Variants in SH3GL2 observed in about 807,000 individuals in gnomAD.
SH3GL2 encodes endophilin-A1.
SH3GL2 carries 24 observed loss-of-function variants against 46.0 expected under a neutral mutation model. The ratio of observed to expected loss-of-function variants is 0.52; its 90% confidence interval spans 0.38 to 0.73. The LOEUF is 0.73. Ranked by LOEUF, SH3GL2 falls within the 30% of genes least tolerant of loss-of-function variation. The pLI is 0.00. For synonymous variants in SH3GL2, 196 were observed against 147.1 expected (o/e 1.33, Z -2.40); for missense variants, 413 against 424.2 (o/e 0.97, Z 0.23).
At chr9:17,731,865 C>A (rs917382002) in intron 1 of SH3GL2, among the ~76,000 whole-genome samples, 7 of 152,138 alleles carry the variant, frequency 4.6e-5, no homozygotes. Flanking sequence ...CTATTTACCC[C>A]CTGGGCTTTT....
At position 17,717,688 on chromosome 9, in the gene SH3GL2, C is replaced by T. The variant is rs550189060; in HGVS notation, c.46-29378C>T. ...ATGATACAGCGCACAGATAAAATTG[C>T]TAACAGAAGTATGCCAGGCATGCTG... is the stretch of plus-strand genomic sequence containing the variant. On this transcript the variant is annotated intron_variant, in intron 1 of 8. Coordinates refer to ENST00000380607, the MANE Select transcript of SH3GL2 (RefSeq NM_003026.5). Among the ~76,000 whole-genome samples the T allele has an allele frequency of 2.0e-5, 3 of 152,132 alleles. No individual in the cohort carries two copies. In the South Asian group the frequency reaches 6.2e-4, roughly 32 times the overall value.
At chr9:17,759,605 A>G (rs1823110074) in intron 2 of SH3GL2, among the ~76,000 whole-genome samples, 1 of 152,156 alleles carries the variant, frequency 6.6e-6, no homozygotes, top group Non-Finnish European at 1.5e-5. Flanking sequence ...TTGAGTGTGT[A>G]AAGATATTTA....
intron 1 of SH3GL2, among the ~76,000 whole-genome samples, chr9:17,674,515 C>T (rs977110356): frequency 6.6e-6 from 1 of 152,152 alleles, no homozygotes; most frequent in African/African-American, 2.4e-5. Context: ...ATCTGCCCAC[C>T]TTGGCCTCCC....
chr9:17,580,190 TA>T (rs1484870656), intron 1 of SH3GL2, among the ~76,000 whole-genome samples: 2 of 152,258 alleles, frequency 1.3e-5, no homozygotes, highest in African/African-American at 4.8e-5. Flanking sequence ...ACTACTTTTT[TA>T]TCCTTCTGAA....
rs138518063 is a variant in SH3GL2, at chr9:17,737,766, G to C, written c.46-9300G>C. Among the ~76,000 whole-genome samples the C allele has an allele frequency of 4.4e-3, 665 of 152,146 alleles. 3 individuals carry two copies. Among genetic ancestry groups the C allele is most frequent in the Non-Finnish European group, 5.3e-3 (362 of 68,004 alleles). ...TGCTCAGGGTTCCTTCCTTGACTCA[G>C]CTGTACTCTGGAGATGCATGTTCTC... is the stretch of plus-strand genomic sequence containing the variant. On this transcript the variant is annotated intron_variant, in intron 1 of 8. Transcript: ENST00000380607.
At chr9:17,741,040 G>A (rs962196078) in intron 1 of SH3GL2, among the ~76,000 whole-genome samples, 4 of 151,924 alleles carry the variant, frequency 2.6e-5, no homozygotes, top group African/African-American at 4.8e-5. Context: ...AATTGTCAAC[G>A]GTATTCTTTG....
chr9:17,672,721 C>T (rs1192765707), intron 1 of SH3GL2, among the ~76,000 whole-genome samples: 2 of 152,096 alleles, frequency 1.3e-5, no homozygotes, highest in Non-Finnish European at 2.9e-5. Flanking sequence ...ATTCATCAGA[C>T]CGTGTAAATA....
chr9:17,645,584 C>T (rs867764568), intron 1 of SH3GL2, among the ~76,000 whole-genome samples: 13 of 152,252 alleles, frequency 8.5e-5, no homozygotes, highest in Middle Eastern at 3.4e-3. Flanking sequence ...CATAACCTCT[C>T]AGCATTTGCT....
chr9:17,713,657 T>C (rs7031818), intron 1 of SH3GL2, among the ~76,000 whole-genome samples: 38,873 of 151,236 alleles, frequency 0.26, 8,420 homozygotes, highest in African/African-American at 0.59. Flanking sequence ...TATTTAGAAG[T>C]GCATTATTAA....
chr9:17,636,914 A>G (rs887304460), intron 1 of SH3GL2, among the ~76,000 whole-genome samples: 5 of 152,214 alleles, frequency 3.3e-5, no homozygotes, highest in South Asian at 2.1e-4. Flanking sequence ...TGTGTTGGAT[A>G]CTAGCATAAA....
chr9:17,785,971 A>G (rs1234130638), intron 3 of SH3GL2, among the ~76,000 whole-genome samples: 2 of 152,200 alleles, frequency 1.3e-5, no homozygotes, highest in African/African-American at 4.8e-5. Flanking sequence ...GACTCCTAGA[A>G]TTGAACTATA....
At chr9:17,644,452 C>T (rs779333520) in intron 1 of SH3GL2, among the ~76,000 whole-genome samples, 2 of 152,126 alleles carry the variant, frequency 1.3e-5, no homozygotes, top group Non-Finnish European at 2.9e-5. Context: ...CCCTCTTTCT[C>T]CCGTGGGCAT....
At chr9:17,733,499 G>A (rs919259748) in intron 1 of SH3GL2, among the ~76,000 whole-genome samples, 2 of 151,358 alleles carry the variant, frequency 1.3e-5, no homozygotes, top group Non-Finnish European at 2.9e-5. Flanking sequence ...TGGAGAAATA[G>A]GAACACTTTT....
At chr9:17,772,318 A>T (rs1396408596) in intron 3 of SH3GL2, among the ~76,000 whole-genome samples, 1 of 152,140 alleles carries the variant, frequency 6.6e-6, no homozygotes, top group African/African-American at 2.4e-5. Flanking sequence ...TTTAGAATTA[A>T]TTTTTCTTAT....
At chr9:17,745,688 G>A (rs563688744) in intron 1 of SH3GL2, among the ~76,000 whole-genome samples, 2 of 152,042 alleles carry the variant, frequency 1.3e-5, no homozygotes, top group African/African-American at 4.8e-5. Context: ...CACAGCTCAG[G>A]TCCCCCAACA....
intron 3 of SH3GL2, among the ~76,000 whole-genome samples, chr9:17,766,948 A>T (rs1823335258): frequency 6.6e-6 from 1 of 152,230 alleles, no homozygotes; most frequent in Admixed American, 6.5e-5. Flanking sequence ...TTTTTAAAAA[A>T]AATTCTGAAA....
At chr9:17,601,136 T>G (rs912941290) in intron 1 of SH3GL2, among the ~76,000 whole-genome samples, 4 of 152,208 alleles carry the variant, frequency 2.6e-5, no homozygotes, top group African/African-American at 7.2e-5. Flanking sequence ...GCTCAACGTC[T>G]TCACCTAATA....
At chr9:17,594,525 T>G (rs1818537601) in intron 1 of SH3GL2, among the ~76,000 whole-genome samples, 1 of 152,094 alleles carries the variant, frequency 6.6e-6, no homozygotes, top group Admixed American at 6.5e-5. Context: ...AAATGGCTAA[T>G]GCATGTGGGG....
At chr9:17,630,894 A>C (rs1436584056) in intron 1 of SH3GL2, among the ~76,000 whole-genome samples, 1 of 152,112 alleles carries the variant, frequency 6.6e-6, no homozygotes, top group Non-Finnish European at 1.5e-5. Context: ...TCCTTCACCC[A>C]TGGCCCTTTT....
Sources: gnomAD v4.1 joint callset for allele counts (sites outside exome capture counted in the v4.1 genomes callset) on GRCh38, gnomAD v4.1.1 for gene constraint, MANE v1.5 for transcripts, NCBI Gene and HGNC (gene_info 2026-07-23, HGNC 2026-07-21) for gene names.